DSCAM: variants seen among roughly 807,000 people sequenced by gnomAD.
DSCAM encodes the protein cell adhesion molecule DSCAM.
A neutral mutation model predicts 217.7 loss-of-function variants in DSCAM; 47 were observed. That is an observed-to-expected ratio of 0.22 (90% CI 0.17 to 0.28). The LOEUF (loss-of-function observed/expected upper bound fraction) is 0.28. DSCAM is among the 10% of genes least tolerant of loss of function. DSCAM has a pLI of 1.00. For missense variants in DSCAM, 2,080 were observed against 2,618.3 expected, an observed-to-expected ratio of 0.79 and a Z score of 4.49; for synonymous variants, 1,056 against 1,015.3, an observed-to-expected ratio of 1.04 and a Z score of -0.76.
intron 20 of DSCAM, among the ~76,000 whole-genome samples, chr21:40,117,082 G>C (rs2089980126): frequency 6.8e-6 from 1 of 146,984 alleles, no homozygotes; most frequent in Non-Finnish European, 1.5e-5. Context: ...TTCTATGTAA[G>C]TGATTTAAAA....
Position 40,620,749 on chromosome 21 carries a change from T to A in DSCAM, c.508+72061A>T, listed in dbSNP as rs373103009. On this transcript the variant is annotated intron_variant, in intron 3 of 32. Transcript: ENST00000400454. ...TATAGAATTAAACACGTATTTATCA[T>A]CCAATTCAGAAACACTACACTGTGT... is the stretch of plus-strand genomic sequence containing the variant. 2.6e-5 allele frequency among the ~76,000 whole-genome samples: 4 copies of A among 152,324 alleles called. No individual in the cohort carries two copies. The East Asian group carries it at 7.7e-4, about 29-fold the overall frequency.
intron 32 of DSCAM, among the ~76,000 whole-genome samples, chr21:40,025,849 G>A (rs2088370508): frequency 1.3e-5 from 2 of 150,388 alleles, no homozygotes; most frequent in Non-Finnish European, 3.0e-5. Flanking sequence ...TTTTTTGAAG[G>A]GTTTTTTGTG....
chr21:40,184,153 T>C (rs977235683), intron 14 of DSCAM, among the ~76,000 whole-genome samples: 4 of 152,166 alleles, frequency 2.6e-5, no homozygotes, highest in African/African-American at 9.7e-5. Flanking sequence ...AGAAGTGACA[T>C]TTAGGCTGTT....
chr21:40,029,804 C>G (rs1293604756), intron 32 of DSCAM, among the ~76,000 whole-genome samples: 1 of 152,152 alleles, frequency 6.6e-6, no homozygotes, highest in Non-Finnish European at 1.5e-5. Context: ...AACCCCCACC[C>G]CCAGCTTCAC....
chr21:40,159,922 T>C (rs540704786), intron 16 of DSCAM, among the ~76,000 whole-genome samples: 3 of 152,206 alleles, frequency 2.0e-5, no homozygotes, highest in African/African-American at 7.2e-5. Context: ...TAAACTTCTA[T>C]TTTTTGTTGG....
At position 40,822,173 on chromosome 21, in the gene DSCAM, G is replaced by C. The variant is rs564160854; in HGVS notation, c.43+24446C>G. ...GTCTCTACTAAAAGTACAAAAATTA[G>C]CTGGGCATGGTAGAACATGCCTGTA... On this transcript the variant is annotated intron_variant, in intron 1 of 32. Transcript: ENST00000400454. 1.4e-4 allele frequency among the ~76,000 whole-genome samples: 21 copies of C among 151,828 alleles called. No homozygotes were observed. In the South Asian group the frequency reaches 1.9e-3, roughly 14 times the overall value.
At chr21:40,624,077 G>T (rs553946216) in intron 3 of DSCAM, among the ~76,000 whole-genome samples, 10 of 152,154 alleles carry the variant, frequency 6.6e-5, no homozygotes, top group African/African-American at 2.4e-4. Context: ...ACCCATTCCA[G>T]GTTATCTTAC....
chr21:40,534,296 G>C (rs891518081), intron 3 of DSCAM, among the ~76,000 whole-genome samples: 18 of 152,270 alleles, frequency 1.2e-4, no homozygotes, highest in African/African-American at 4.3e-4. Flanking sequence ...TAAAGTAGTT[G>C]CATAAAGATT....
intron 3 of DSCAM, among the ~76,000 whole-genome samples, chr21:40,584,782 TCTGATGCTCCA>T (rs1350530966): frequency 6.6e-6 from 1 of 152,118 alleles, no homozygotes; most frequent in Non-Finnish European, 1.5e-5. Flanking sequence ...TCTTGGTGAT[TCTGATGCTCCA>T]CAGATACAAG....
chr21:40,503,260 T>A (rs1568858654), intron 3 of DSCAM, among the ~76,000 whole-genome samples: 1 of 152,228 alleles, frequency 6.6e-6, no homozygotes, highest in East Asian at 1.9e-4. Flanking sequence ...GCTCCCATGC[T>A]TCAAGTCTTC....
intron 19 of DSCAM, among the ~76,000 whole-genome samples, chr21:40,126,990 T>C (rs542521221): frequency 6.6e-6 from 1 of 152,248 alleles, no homozygotes; most frequent in African/African-American, 2.4e-5. Context: ...GTGTGGGCCC[T>C]GGAGCCTCAC....
intron 4 of DSCAM, among the ~76,000 whole-genome samples, chr21:40,361,427 T>C (rs1473646469): frequency 3.3e-5 from 5 of 152,164 alleles, no homozygotes; most frequent in Non-Finnish European, 7.3e-5. Flanking sequence ...GAGCCCATCC[T>C]GGCCAACATG....
chr21:40,386,589 T>C (rs2075088065), intron 3 of DSCAM, among the ~76,000 whole-genome samples: 1 of 152,164 alleles, frequency 6.6e-6, no homozygotes, highest in South Asian at 2.1e-4. Context: ...CTCCCAGAAA[T>C]GAAATAGTGA....
At chr21:40,652,478 A>AT (rs974447129) in intron 3 of DSCAM, among the ~76,000 whole-genome samples, 1 of 152,030 alleles carries the variant, frequency 6.6e-6, no homozygotes, top group African/African-American at 2.4e-5. Flanking sequence ...AGCCAGAACC[A>AT]TTTTTTTCCA....
intron 3 of DSCAM, among the ~76,000 whole-genome samples, chr21:40,531,890 G>A (rs997741626): frequency 2.0e-5 from 3 of 152,224 alleles, no homozygotes; most frequent in African/African-American, 4.8e-5. Context: ...TATTGTGGGT[G>A]TCACTTTGAA....
chr21:40,311,303 T>C (rs1248410373), intron 9 of DSCAM, among the ~76,000 whole-genome samples: 1 of 152,366 alleles, frequency 6.6e-6, no homozygotes, highest in East Asian at 1.9e-4. Flanking sequence ...ATAGTACTCT[T>C]GGAGAATCAT....
rs528226198 is a variant in DSCAM at position 40,297,787 on chromosome 21, G to A, written c.2063-1613C>T. On this transcript the variant is annotated intron_variant, in intron 9 of 32. Transcript: ENST00000400454. ...TTTCTAGCTTTACTTTCTGTAGAAT[G>A]ATTTACACATGAAGAAGCACCAGAA... Among the ~76,000 whole-genome samples, 5 of 152,320 alleles carry A rather than the reference G, an allele frequency of 3.3e-5. No individual in the cohort carries two copies. In the South Asian group the frequency reaches 8.3e-4, roughly 25 times the overall value.
intron 32 of DSCAM, among the ~76,000 whole-genome samples, chr21:40,024,709 T>C (rs111617830): frequency 1.3e-5 from 1 of 74,224 alleles, no homozygotes; most frequent in Middle Eastern, 6.9e-3. Flanking sequence ...GTGACTTTTG[T>C]ACATTGATTT....
chr21:40,762,548 T>C (rs2091346117), intron 1 of DSCAM, among the ~76,000 whole-genome samples: 1 of 152,244 alleles, frequency 6.6e-6, no homozygotes, highest in Non-Finnish European at 1.5e-5. Context: ...GAGGAGCTGA[T>C]ACTGTTCCTT....
Sources: gnomAD v4.1 joint callset for allele counts (sites outside exome capture counted in the v4.1 genomes callset) on GRCh38, gnomAD v4.1.1 for gene constraint, MANE v1.5 for transcripts, NCBI Gene and HGNC (gene_info 2026-07-23, HGNC 2026-07-21) for gene names.